DNAH11: variants seen among roughly 807,000 people sequenced by gnomAD.
DNAH11 encodes the protein axonemal beta dynein heavy chain 11.
In DNAH11, 442 loss-of-function variants were observed where a neutral mutation model predicts 526.0. That is an observed-to-expected ratio of 0.84 (90% CI 0.78 to 0.91). The LOEUF (loss-of-function observed/expected upper bound fraction) is 0.91, where lower values mean the gene tolerates loss of function less well. DNAH11 is among the 40% of genes least tolerant of loss of function. The pLI is 0.00. For missense variants in DNAH11, 6,989 were observed against 5,448.7 expected, an observed-to-expected ratio of 1.28 and a Z score of -8.90; for synonymous variants, 2,461 against 1,935.9, an observed-to-expected ratio of 1.27 and a Z score of -7.12.
At chr7:21,893,752 T>C (rs552513564) in intron 77 of DNAH11, among the ~76,000 whole-genome samples, 30 of 152,270 alleles carry the variant, frequency 2.0e-4, no homozygotes, top group African/African-American at 7.0e-4. Flanking sequence ...TTACAGAAGA[T>C]AGAAGTTTCT....
In DNAH11 at chr7:21,769,625, C is replaced by G. The variant is rs543963749; in HGVS notation, c.9102+4036C>G. On this transcript the variant is annotated intron_variant, in intron 55 of 81. Transcript: ENST00000409508. ...TCAGCCTCCTGAGTAGCTGGGACCA[C>G]AGGTGCACACCACCACGCCCTGCTA... 3.3e-5 allele frequency among the ~76,000 whole-genome samples: 5 copies of G among 152,174 alleles called. No homozygotes were observed. In the East Asian group the frequency reaches 5.8e-4, roughly 18 times the overall value.
In DNAH11 at chr7:21,789,227, T is replaced by A; in HGVS notation, c.9925-14T>A. On this transcript the variant is annotated splice_polypyrimidine_tract_variant and intron_variant, in intron 60 of 81. Coordinates refer to ENST00000409508, the MANE Select transcript of DNAH11 (RefSeq NM_001277115.2). ...TTATCCTCTTTGTATCTGTATTAAT[T>A]CATGAATTTTCAGGTCTACTGTGAT... 1 of 1,537,836 alleles carries A rather than the reference T, an allele frequency of 6.5e-7. No homozygotes were observed. Among genetic ancestry groups the A allele is most frequent in the Non-Finnish European group, 8.8e-7 (1 of 1,131,884 alleles).
chr7:21,735,681 T>C lies in DNAH11; in HGVS notation c.7482T>C (p.Tyr2494=). The C allele has an allele frequency of 2.5e-6, 4 of 1,611,330 alleles. No homozygotes were observed. The highest frequency in any genetic ancestry group is 3.4e-6 in the Non-Finnish European group (4 of 1,178,446). ...CAACAGAGACAGCTCGTCTTAGATA[T>C]TTCATGGAGTTGTTGCTTGAGAAAG... The part of the protein sequence containing the change: ...VHTTETARLR[Y]FMELLLEKGK... The change falls in exon 46 of 82, where the codon TAT becomes TAC. Residue 2494 remains tyrosine (Y), a synonymous_variant. Coordinates refer to ENST00000409508, the MANE Select transcript of DNAH11 (RefSeq NM_001277115.2).
chr7:21,800,695 C>G (rs577740445), intron 61 of DNAH11, among the ~76,000 whole-genome samples: 1 of 152,238 alleles, frequency 6.6e-6, no homozygotes, highest in East Asian at 1.9e-4. Context: ...AATTAACACC[C>G]CTCTTCACTG....
chr7:21,575,614 G>C (rs1784060856), intron 8 of DNAH11, among the ~76,000 whole-genome samples: 1 of 152,062 alleles, frequency 6.6e-6, no homozygotes, highest in Non-Finnish European at 1.5e-5. Context: ...ACCTTCCTTA[G>C]TAATTCTTTT....
intron 47 of DNAH11, 107 bp from the exon 48 acceptor site, chr7:21,739,464 A>G (rs1785773822): frequency 7.9e-6 from 6 of 760,950 alleles, no homozygotes; most frequent in South Asian, 1.9e-5. Flanking sequence ...CAGAGTGATT[A>G]TGAAGATAAG....
intron 67 of DNAH11, 138 bp from the exon 68 acceptor site, chr7:21,854,177 C>T (rs1181964977): frequency 1.7e-5 from 14 of 809,452 alleles, no homozygotes; most frequent in African/African-American, 5.4e-5. Context: ...TAGAAAAGCT[C>T]GAGCACATGG....
chr7:21,898,785 G>C (rs1784626202), intron 79 of DNAH11, among the ~76,000 whole-genome samples: 1 of 152,160 alleles, frequency 6.6e-6, no homozygotes, highest in Non-Finnish European at 1.5e-5. Flanking sequence ...TGCCATTCCT[G>C]GCTGACTTGT....
At chr7:21,882,497 G>GA (rs1161135148) in intron 75 of DNAH11, among the ~76,000 whole-genome samples, 3 of 152,130 alleles carry the variant, frequency 2.0e-5, no homozygotes, top group African/African-American at 2.4e-5. Context: ...ATCAATTATT[G>GA]AAAAGAACAG....
chr7:21,628,000 C>G (rs1217466463), intron 25 of DNAH11, among the ~76,000 whole-genome samples: 1 of 151,872 alleles, frequency 6.6e-6, no homozygotes, highest in African/African-American at 2.4e-5. Context: ...TTTCATCTTT[C>G]ACTTCTTTGG....
rs149209790 is a variant in DNAH11, at chr7:21,665,081, ATC to A, written c.5328+6067_5328+6068del. Among the ~76,000 whole-genome samples, 42 of 145,424 alleles carry A rather than the reference ATC, an allele frequency of 2.9e-4. No individual in the cohort carries two copies. In the Middle Eastern group the frequency reaches 0.011, roughly 37 times the overall value. ...AGGGATCAGTCTCCTCTCTTTCTTT[ATC>A]TCTCTCTCTCTCTCTCACTCTCTCT... is the stretch of plus-strand genomic sequence containing the variant. On this transcript the variant is annotated intron_variant, in intron 30 of 81. Transcript: ENST00000409508.
intron 35 of DNAH11, among the ~76,000 whole-genome samples, chr7:21,694,798 C>G (rs1783779702): frequency 6.6e-6 from 1 of 152,064 alleles, no homozygotes; most frequent in African/African-American, 2.4e-5. Context: ...ATGGTTGAAC[C>G]ACTTTACACT....
At chr7:21,741,872 C>T (rs1383831653) in intron 48 of DNAH11, 55 bp from the exon 49 acceptor site, 1 of 1,584,378 alleles carries the variant, frequency 6.3e-7, no homozygotes, top group East Asian at 2.2e-5. Context: ...CAGGTCTTTG[C>T]AATTTTCTGG....
chr7:21,594,496 C>T (rs995304268), intron 14 of DNAH11, among the ~76,000 whole-genome samples: 9 of 152,162 alleles, frequency 5.9e-5, no homozygotes, highest in South Asian at 4.1e-4. Context: ...AGAACTGGTA[C>T]GCGCTGCAGG....
At chr7:21,813,641 G>A (rs184838295) in intron 63 of DNAH11, among the ~76,000 whole-genome samples, 71 of 152,282 alleles carry the variant, frequency 4.7e-4, no homozygotes, top group African/African-American at 1.6e-3. Flanking sequence ...GGCTCGTGGC[G>A]TGTGCTTCCA....
At chr7:21,548,095 C>CCCAG (rs1782872976) in intron 2 of DNAH11, among the ~76,000 whole-genome samples, 1 of 144,780 alleles carries the variant, frequency 6.9e-6, no homozygotes. Context: ...TCTACCCAAC[C>CCCAG]CATTAATGGG....
rs72658812 is a variant in DNAH11, at chr7:21,866,636, G to A, written c.11663G>A (p.Arg3888His). ...AAGCTGATTCTTCTGAGAGCAATGCGCCCTGACAGAATGACGTATGCTCTC... is the reference window on the plus strand; with the variant it reads ...AAGCTGATTCTTCTGAGAGCAATGCACCCTGACAGAATGACGTATGCTCTC... ...IQKLILLRAM[R>H]PDRMTYALRN... Residue 3888 changes from arginine (R) to histidine (H), a missense_variant, in exon 71 of 82, where the codon CGC becomes CAC. Arg to His is a conservative substitution (Grantham distance 29, BLOSUM62 0). Transcript: ENST00000409508. 12 of 1,613,304 alleles carry A rather than the reference G, an allele frequency of 7.4e-6. No individual in the cohort carries two copies. Among genetic ancestry groups the A allele is most frequent in the African/African-American group, 1.3e-5 (1 of 74,980 alleles).
At chr7:21,863,606 A>G (rs761924539) in intron 69 of DNAH11, among the ~76,000 whole-genome samples, 49 of 152,196 alleles carry the variant, frequency 3.2e-4, no homozygotes, top group Non-Finnish European at 6.6e-4. Context: ...GATTACAGGC[A>G]TGAAATACTT....
At chr7:21,795,612 A>G (rs1478286352) in intron 61 of DNAH11, among the ~76,000 whole-genome samples, 2 of 152,248 alleles carry the variant, frequency 1.3e-5, no homozygotes, top group Non-Finnish European at 2.9e-5. Flanking sequence ...TATTTTAATT[A>G]AAAGGTTTAT....
Sources: allele counts gnomAD v4.1 joint callset (sites outside exome capture counted in the v4.1 genomes callset), GRCh38; gene constraint gnomAD v4.1.1; transcripts MANE v1.5; gene names NCBI Gene and HGNC (gene_info 2026-07-23, HGNC 2026-07-21).